NEB: variants seen among roughly 807,000 people sequenced by gnomAD.
NEB encodes the protein nebulin.
A neutral mutation model predicts 952.2 loss-of-function variants in NEB; 512 were observed. The observed-to-expected ratio is 0.54, with a 90% CI of 0.50 to 0.58. The LOEUF is 0.58. NEB is among the 20% of genes least tolerant of loss of function. NEB has a pLI of 0.00. For synonymous variants in NEB, 2,900 were observed against 3,149.8 expected (o/e 0.92, Z 2.66); for missense variants, 8,428 against 9,231.1 (o/e 0.91, Z 3.56).
chr2:151,547,360 T>A, intron 133 of NEB, 69 bp downstream of exon 133: 1 of 1,253,902 alleles, frequency 8.0e-7, no homozygotes, highest in Non-Finnish European at 1.1e-6. Flanking sequence ...CCACTGGTTG[T>A]TTTAACTGCT....
chr2:151,572,484 G>C (rs1200874707), intron 107 of NEB, among the ~76,000 whole-genome samples: 1 of 141,668 alleles, frequency 7.1e-6, no homozygotes, highest in African/African-American at 2.6e-5. Flanking sequence ...TATATATATT[G>C]AATATTTATA....
chr2:151,678,072 C>A lies in NEB; in HGVS notation c.3371G>T (p.Arg1124Leu). The A allele has an allele frequency of 6.2e-7, 1 of 1,613,846 alleles. No individual in the cohort carries two copies. The change falls in exon 33 of 182, where the codon CGG becomes CTG. Residue 1124 changes from arginine (R) to leucine (L), a missense_variant. By Grantham distance (102) the Arg-to-Leu change is moderately radical. Around this residue, in one of 11 missense-constraint regions of NEB, gnomAD observed 2,851 missense variants for 2,791.5 expected, o/e 1.02. Coordinates refer to ENST00000397345, the MANE Select transcript of NEB (RefSeq NM_001164508.2). ...YMNVAKIQSD[R>L]EYKKDYEKTK... Reference sequence around the variant, plus strand: ...CTTCTCATAGTCTTTTTTATACTCCCGATCTGATTGTATCTTGGCCACGTT... The same window carrying A: ...CTTCTCATAGTCTTTTTTATACTCCAGATCTGATTGTATCTTGGCCACGTT...
rs1265071744 is a variant in NEB, at chr2:151,496,339, T to C, written c.24423A>G (p.Gly8141=). The change falls in exon 173 of 182, where the codon GGA becomes GGG. Residue 8141 remains glycine (G), a synonymous_variant. Coordinates refer to ENST00000397345, the MANE Select transcript of NEB (RefSeq NM_001164508.2). Reference sequence around the variant, plus strand: ...TCTCGGGAGTGACAGCTAAAGGAGTTCCCTTGCCCATGTTTTCTTTGTATA... The same window carrying C: ...TCTCGGGAGTGACAGCTAAAGGAGTCCCCTTGCCCATGTTTTCTTTGTATA... The part of the protein sequence containing the change: ...SVLYKENMGK[G]TPLAVTPEME... 3 of 1,611,248 alleles carry C rather than the reference T, an allele frequency of 1.9e-6. No homozygotes were observed. Among genetic ancestry groups the C allele is most frequent in the South Asian group, 1.1e-5 (1 of 90,428 alleles).
chr2:151,619,776 TC>T lies in NEB; in HGVS notation c.10561-15del. On this transcript the variant is annotated splice_polypyrimidine_tract_variant and intron_variant, in intron 72 of 181. Transcript: ENST00000397345. Reference sequence around the variant, plus strand: ...TTTGTATTTGTACTGAAAGAGAGAATCCAGTAAATAAGAAGGAAGCACAAAG... The same window carrying T: ...TTTGTATTTGTACTGAAAGAGAGAATCAGTAAATAAGAAGGAAGCACAAAG... 1 of 1,593,606 alleles carries T rather than the reference TC, an allele frequency of 6.3e-7. No individual in the cohort carries two copies. The highest frequency in any genetic ancestry group is 8.6e-7 in the Non-Finnish European group (1 of 1,165,092).
At chr2:151,490,172 CT>C in intron 180 of NEB, 95 bp from the exon 181 acceptor site, 1 of 1,209,802 alleles carries the variant, frequency 8.3e-7, no homozygotes, top group Non-Finnish European at 1.2e-6. Flanking sequence ...TTTCCCCCAA[CT>C]TAGAATGATT....
chr2:151,518,509 G>A (rs1312300808), intron 155 of NEB, 87 bp from the exon 156 acceptor site: 2 of 805,368 alleles, frequency 2.5e-6, no homozygotes, highest in East Asian at 2.4e-5. Context: ...CGTTTACACA[G>A]CACCATTGTC....
intron 67 of NEB, 110 bp from the exon 68 acceptor site, chr2:151,629,756 A>G: frequency 1.2e-6 from 1 of 859,164 alleles, no homozygotes; most frequent in East Asian, 2.7e-5. Context: ...ACTGGAGACA[A>G]TTCAAGTTTC....
chr2:151,680,697 A>G lies in NEB; in HGVS notation c.3042+33T>C, dbSNP rs778500633. ...TACAAATGTATTTGTATTAGTTAAC[A>G]TCTATTAACATATAGATAGCATTAA... On this transcript the variant is annotated intron_variant, in intron 30 of 181. Transcript: ENST00000397345. 9.2e-6 allele frequency: 13 copies of G among 1,412,176 alleles called. No individual in the cohort carries two copies. The Admixed American group carries it at 2.4e-4, about 26-fold the overall frequency. 87.5% of individuals were successfully genotyped at this position (1,412,176 alleles called of 1,614,324 possible).
chr2:151,629,570 G>A lies in NEB; in HGVS notation c.9800C>T (p.Ala3267Val). ...GATAACGTCCCTGGAGGCCTTGGCAGCCACGATGGGGATGGCGTCACTTCG... is the reference window on the plus strand; with the variant it reads ...GATAACGTCCCTGGAGGCCTTGGCAACCACGATGGGGATGGCGTCACTTCG... ...DLRSDAIPIV[A>V]AKASRDVISD... is the part of the protein sequence containing the mutation. The change falls in exon 68 of 182, where the codon GCT (alanine) becomes GTT (valine). Residue 3267 changes from alanine to valine, a missense_variant. This residue lies in a region of NEB where 1,772 missense variants were observed against 1,960.3 expected (regional missense o/e 0.90). Coordinates refer to ENST00000397345, the MANE Select transcript of NEB (RefSeq NM_001164508.2). 3 of 1,613,800 alleles carry A rather than the reference G, an allele frequency of 1.9e-6. No individual in the cohort carries two copies. The highest frequency in any genetic ancestry group is 2.5e-6 in the Non-Finnish European group (3 of 1,179,772).
intron 5 of NEB, among the ~76,000 whole-genome samples, chr2:151,726,359 G>C (rs185895596): frequency 6.6e-6 from 1 of 152,286 alleles, no homozygotes; most frequent in African/African-American, 2.4e-5. Flanking sequence ...ACCTGTCTTA[G>C]ATTATTTAAG....
rs1304240411 is a variant in NEB, at chr2:151,563,731, G to T, written c.18580-12C>A. On this transcript the variant is annotated splice_polypyrimidine_tract_variant and intron_variant, in intron 118 of 181. Transcript: ENST00000397345. The stretch of plus-strand genomic sequence containing the variant: ...TCTTTGTATTTAAGCTGTAAAGTGG[G>T]TTAAACATTGAGAATCGCTGGAGTT... The T allele has an allele frequency of 1.9e-6, 3 of 1,610,614 alleles. No homozygotes were observed. The African/African-American group carries it at 4.0e-5, about 22-fold the overall frequency.
intron 32 of NEB, 61 bp downstream of exon 32, chr2:151,679,660 G>GGGCCCCCCCCCCCCCCCC: frequency 1.0e-5 from 7 of 682,632 alleles, no homozygotes; most frequent in Admixed American, 2.0e-5. Flanking sequence ...GTCATCGTCA[G>GGGCCCCCCCCCCCCCCCC]ACCCCAAGCC....
At chr2:151,531,167 T>C (rs2090501429) in intron 144 of NEB, 66 bp from the exon 145 acceptor site, 1 of 1,078,560 alleles carries the variant, frequency 9.3e-7, no homozygotes, top group Non-Finnish European at 1.4e-6. Flanking sequence ...AAAATATAAA[T>C]GCAAAGTTTT....
chr2:151,654,661 T>G (rs760889364), intron 51 of NEB, among the ~76,000 whole-genome samples: 1 of 152,202 alleles, frequency 6.6e-6, no homozygotes, highest in Non-Finnish European at 1.5e-5. Flanking sequence ...AGGTACTGTA[T>G]TGAGAATCTT....
intron 13 of NEB, 81 bp downstream of exon 13, chr2:151,706,800 A>C: frequency 2.1e-6 from 2 of 964,456 alleles, no homozygotes; most frequent in Non-Finnish European, 3.2e-6. Flanking sequence ...AAAGTTATAT[A>C]TTCATTTAGT....
chr2:151,562,364 C>A, intron 120 of NEB, 150 bp from the exon 121 acceptor site: 1 of 764,284 alleles, frequency 1.3e-6, no homozygotes, highest in Admixed American at 2.2e-5. Flanking sequence ...AATTCCCAAG[C>A]CTAAAGAAGC....
At chr2:151,509,896 C>G (rs2072693861) in intron 161 of NEB, among the ~76,000 whole-genome samples, 1 of 152,212 alleles carries the variant, frequency 6.6e-6, no homozygotes, top group Non-Finnish European at 1.5e-5. Context: ...GCGCGAGCCA[C>G]TGCGCCCGAC....
intron 38 of NEB, among the ~76,000 whole-genome samples, chr2:151,669,431 A>G (rs1265173498): frequency 3.3e-5 from 5 of 152,230 alleles, no homozygotes. Context: ...TAAAACATGT[A>G]AACTACAAAC....
At chr2:151,559,590 A>AG (rs1479475512) in intron 124 of NEB, among the ~76,000 whole-genome samples, 1 of 152,210 alleles carries the variant, frequency 6.6e-6, no homozygotes, top group African/African-American at 2.4e-5. Flanking sequence ...GCATATATAC[A>AG]CCATGGAATA....
Sources: gnomAD v4.1 joint callset for allele counts (sites outside exome capture counted in the v4.1 genomes callset) on GRCh38, gnomAD v4.1.1 for gene constraint, gnomAD v4.1.1 regional missense constraint, MANE v1.5 for transcripts, NCBI Gene and HGNC (gene_info 2026-07-23, HGNC 2026-07-21) for gene names.